FRYL: variants seen among roughly 807,000 people sequenced by gnomAD.
The protein encoded by FRYL is FRY like transcription coactivator.
In FRYL, 150 loss-of-function variants were observed where a neutral mutation model predicts 351.2. The observed-to-expected ratio is 0.43, with a 90% confidence interval of 0.37 to 0.49. FRYL has a LOEUF of 0.49. FRYL is among the 20% of genes least tolerant of loss of function. The pLI, the probability that FRYL is intolerant of heterozygous loss-of-function variation, is 0.00. For synonymous variants in FRYL, 1,153 were observed against 1,257.1 expected, an observed-to-expected ratio of 0.92 and a Z score of 1.75; for missense variants, 3,036 against 3,619.3, an observed-to-expected ratio of 0.84 and a Z score of 4.13.
chr4:48,534,130 G>A (rs1577983583), intron 49 of FRYL, among the ~76,000 whole-genome samples: 2 of 152,228 alleles, frequency 1.3e-5, no homozygotes, highest in South Asian at 4.1e-4. Context: ...GGAGGCTGAG[G>A]CAGGAGACTC....
rs147065712 is a variant in FRYL at position 48,737,550 on chromosome 4, A to C, written c.-383-26852T>G. Among the ~76,000 whole-genome samples, 661 of 152,310 alleles carry C rather than the reference A, an allele frequency of 4.3e-3. 8 individuals carry two copies. The highest frequency in any genetic ancestry group is 0.014 in the African/African-American group (597 of 41,560). On this transcript the variant is annotated intron_variant, in intron 1 of 63. Coordinates refer to ENST00000358350, the MANE Select transcript of FRYL (RefSeq NM_015030.2). ...CACTGGTGAATTCTACCAAACTTTT[A>C]AAAAGACATTATACCAATTCTCTAC...
rs201012260 is a variant in FRYL at position 48,740,177 on chromosome 4, TGAAAA to T, written c.-383-29484_-383-29480del. ...TCTGTGAAAGGCACTGTCAAGAGAC[TGAAAA>T]GAAAAGTCACAGACTGGGAGAAAAT... On this transcript the variant is annotated intron_variant, in intron 1 of 63. Coordinates refer to ENST00000358350, the MANE Select transcript of FRYL (RefSeq NM_015030.2). Among the ~76,000 whole-genome samples the T allele has an allele frequency of 8.0e-3, 1,210 of 152,070 alleles. 3 individuals are homozygous for T. Among genetic ancestry groups the T allele is most frequent in the Non-Finnish European group, 0.013 (871 of 67,980 alleles).
At chr4:48,541,274 C>T (rs969593606) in intron 45 of FRYL, among the ~76,000 whole-genome samples, 1 of 152,196 alleles carries the variant, frequency 6.6e-6, no homozygotes, top group African/African-American at 2.4e-5. Flanking sequence ...AAGCTGACTT[C>T]ATTTGTCTTG....
At chr4:48,595,324 T>C (rs1744381195) in intron 15 of FRYL, among the ~76,000 whole-genome samples, 2 of 152,172 alleles carry the variant, frequency 1.3e-5, no homozygotes, top group South Asian at 4.1e-4. Flanking sequence ...ATGAAAATAA[T>C]TTTCTAAGAA....
At chr4:48,575,834 C>T (rs1276848081) in intron 24 of FRYL, among the ~76,000 whole-genome samples, 196 bp downstream of exon 24, 1 of 152,106 alleles carries the variant, frequency 6.6e-6, no homozygotes, top group Non-Finnish European at 1.5e-5. Flanking sequence ...CAATGGAAAA[C>T]TATGTACGTA....
At chr4:48,675,133 C>T (rs1465398729) in intron 3 of FRYL, among the ~76,000 whole-genome samples, 2 of 152,196 alleles carry the variant, frequency 1.3e-5, no homozygotes, top group Non-Finnish European at 2.9e-5. Flanking sequence ...CTGCAAGCTG[C>T]GCCTCCCGGG....
intron 1 of FRYL, among the ~76,000 whole-genome samples, chr4:48,748,303 C>T (rs555008402): frequency 6.6e-6 from 1 of 152,164 alleles, no homozygotes; most frequent in African/African-American, 2.4e-5. Flanking sequence ...CTCTGACATC[C>T]ATTCGCCACT....
intron 3 of FRYL, among the ~76,000 whole-genome samples, chr4:48,638,732 G>C (rs1485987743): frequency 6.6e-6 from 1 of 152,096 alleles, no homozygotes; most frequent in Non-Finnish European, 1.5e-5. Context: ...GATAGACTGA[G>C]TAAAGAAAAT....
intron 4 of FRYL, among the ~76,000 whole-genome samples, chr4:48,629,653 G>A (rs1225314185): frequency 1.3e-5 from 2 of 152,142 alleles, no homozygotes; most frequent in African/African-American, 4.8e-5. Context: ...TTGGAATGGG[G>A]ACTGAAATTT....
chr4:48,669,215 A>C (rs1165100908), intron 3 of FRYL, among the ~76,000 whole-genome samples: 1 of 151,996 alleles, frequency 6.6e-6, no homozygotes, highest in Admixed American at 6.5e-5. Flanking sequence ...TTTGCTTCTT[A>C]AGTGAGGAAT....
chr4:48,714,331 G>A (rs1187437756), intron 1 of FRYL, among the ~76,000 whole-genome samples: 12 of 139,170 alleles, frequency 8.6e-5, no homozygotes, highest in African/African-American at 3.1e-4. Flanking sequence ...ATGAATCCAG[G>A]AGCCGGTTTT....
intron 3 of FRYL, among the ~76,000 whole-genome samples, chr4:48,673,143 C>A (rs941638878): frequency 2.0e-5 from 3 of 152,248 alleles, no homozygotes. Context: ...GGAACCAATA[C>A]AATATGTGTC....
intron 50 of FRYL, among the ~76,000 whole-genome samples, chr4:48,530,482 C>A (rs1041584927): frequency 1.5e-4 from 23 of 152,096 alleles, no homozygotes; most frequent in Non-Finnish European, 1.5e-4. Context: ...AAAATGCAAA[C>A]CCTAATACGC....
At chr4:48,778,598 C>T (rs1458253716) in intron 1 of FRYL, among the ~76,000 whole-genome samples, 1 of 152,182 alleles carries the variant, frequency 6.6e-6, no homozygotes, top group African/African-American at 2.4e-5. Flanking sequence ...TTCACTAAGG[C>T]CTCTAACAAG....
chr4:48,626,045 T>C (rs1751736156), intron 4 of FRYL, among the ~76,000 whole-genome samples: 1 of 152,140 alleles, frequency 6.6e-6, no homozygotes. Context: ...GGGTTGCTGC[T>C]GGGGTTTCTA....
chr4:48,546,032 T>C, intron 42 of FRYL, 35 bp downstream of exon 42: 1 of 1,569,440 alleles, frequency 6.4e-7, no homozygotes, highest in Non-Finnish European at 8.7e-7. Context: ...ACTTAACACA[T>C]ACACTGCTGG....
rs775344530 is a variant in FRYL at position 48,609,028 on chromosome 4, A to T, written c.531T>A (p.Ala177=). ...GTNTGNVHII[A]DLYAEVIGVL... ...CCCCTATCACCTCTGCATATAAATC[A>T]GCAATAATATGCACATTCCCAGTGT... The change falls in exon 9 of 64, where the codon GCT becomes GCA. Residue 177 remains alanine, a synonymous_variant. Coordinates refer to ENST00000358350, the MANE Select transcript of FRYL (RefSeq NM_015030.2). The T allele has an allele frequency of 6.2e-7, 1 of 1,609,856 alleles. No homozygotes were observed. The highest frequency in any genetic ancestry group is 8.5e-7 in the Non-Finnish European group (1 of 1,176,542).
At position 48,667,634 on chromosome 4, in the gene FRYL, C is replaced by G. The variant is rs144573333; in HGVS notation, c.-81+17039G>C. Among the ~76,000 whole-genome samples, 289 of 152,068 alleles carry G rather than the reference C, an allele frequency of 1.9e-3. 1 individual carries two copies. Among genetic ancestry groups the G allele is most frequent in the Non-Finnish European group, 3.4e-3 (233 of 67,978 alleles). ...AATAGAACTAAGTATAATATTGGAC[C>G]CTTTCTTCAAAGCTTCCATTCTTTT... On this transcript the variant is annotated intron_variant, in intron 3 of 63. Transcript: ENST00000358350.
intron 7 of FRYL, among the ~76,000 whole-genome samples, chr4:48,611,570 T>A (rs1748214971): frequency 6.6e-6 from 1 of 151,998 alleles, no homozygotes; most frequent in Non-Finnish European, 1.5e-5. Context: ...TCATATCTAG[T>A]AGTGCAGGTC....
Sources: allele counts gnomAD v4.1 joint callset (sites outside exome capture counted in the v4.1 genomes callset), GRCh38; gene constraint gnomAD v4.1.1; transcripts MANE v1.5; gene names NCBI Gene and HGNC (gene_info 2026-07-23, HGNC 2026-07-21).